Variants in ACOT12 observed in about 807,000 individuals in gnomAD.
ACOT12 encodes the protein acetyl-coenzyme A thioesterase.
In ACOT12, 51 loss-of-function variants were observed where a neutral mutation model predicts 67.7. The ratio of observed to expected loss-of-function variants is 0.75; its 90% confidence interval spans 0.60 to 0.95. ACOT12 has a LOEUF of 0.95. Among genes scored for constraint, ACOT12 ranks in the 40% least tolerant of loss-of-function variants. The pLI, the probability that ACOT12 is intolerant of heterozygous loss-of-function variation, is 0.00. For synonymous variants in ACOT12, 251 were observed against 244.6 expected, an observed-to-expected ratio of 1.03 and a Z score of -0.24; for missense variants, 734 against 708.1, an observed-to-expected ratio of 1.04 and a Z score of -0.41.
intron 4 of ACOT12, among the ~76,000 whole-genome samples, chr5:81,361,349 T>G (rs1461078016): frequency 6.6e-6 from 1 of 151,738 alleles, no homozygotes; most frequent in African/African-American, 2.4e-5. Flanking sequence ...CAAACGTCAC[T>G]ATGCCTGGCT....
the ACOT12 span, among the ~76,000 whole-genome samples, chr5:81,319,767 A>G: frequency 3.3e-5 from 5 of 151,548 alleles, no homozygotes; most frequent in Admixed American, 3.3e-4. Context: ...CATCCTTCCT[A>G]TCCCCCAATG....
intron 6 of ACOT12, among the ~76,000 whole-genome samples, chr5:81,346,656 T>G (rs976180329): frequency 6.6e-6 from 1 of 152,216 alleles, no homozygotes; most frequent in South Asian, 2.1e-4. Context: ...AGCGAACAGA[T>G]GCTGCCATAA....
chr5:81,333,778 G>A (rs1023911004), intron 12 of ACOT12, among the ~76,000 whole-genome samples: 5 of 152,144 alleles, frequency 3.3e-5, no homozygotes, highest in African/African-American at 1.2e-4. Flanking sequence ...ACAGGAGGTG[G>A]GCAGGGAAAT....
At chr5:81,379,184 C>T (rs556365738) in intron 2 of ACOT12, among the ~76,000 whole-genome samples, 7 of 152,176 alleles carry the variant, frequency 4.6e-5, no homozygotes, top group African/African-American at 1.7e-4. Context: ...TTTGCAGGGA[C>T]ATTGATGAAG....
chr5:81,349,557 C>T (rs967726306), intron 5 of ACOT12, among the ~76,000 whole-genome samples: 2 of 152,154 alleles, frequency 1.3e-5, no homozygotes, highest in African/African-American at 4.8e-5. Flanking sequence ...TCATTACTTC[C>T]TCAGTGGAGC....
At chr5:81,317,657 G>A in the ACOT12 span, among the ~76,000 whole-genome samples, 2 of 152,160 alleles carry the variant, frequency 1.3e-5, no homozygotes, top group African/African-American at 4.8e-5. Context: ...ATAGAGTGAA[G>A]GGGGAGGTGC....
At chr5:81,344,773 G>A in intron 8 of ACOT12, 118 bp downstream of exon 8, 1 of 1,298,748 alleles carries the variant, frequency 7.7e-7, no homozygotes, top group Non-Finnish European at 1.1e-6. Context: ...TTGTGATGCT[G>A]AAAAGAGGGA....
Position 81,345,897 on chromosome 5 carries a change from G to A in ACOT12, c.761C>T (p.Thr254Ile). 2 of 1,613,868 alleles carry A rather than the reference G, an allele frequency of 1.2e-6. No individual in the cohort carries two copies. Among genetic ancestry groups the A allele is most frequent in the Non-Finnish European group, 1.7e-6 (2 of 1,179,828 alleles). ...RLVFTAIVNNTFQTCVEVGVR... is the reference protein window; with the variant it reads ...RLVFTAIVNNIFQTCVEVGVR... ...GGGCTCACTTTACCAGGTCTGAAAT[G>A]TATTGTTGACAATGGCAGTGAAGAC... Residue 254 changes from threonine to isoleucine, a missense_variant, in exon 7 of 15, where the codon ACA (threonine) becomes ATA (isoleucine). Physicochemically the swap from Thr to Ile is moderately conservative, Grantham distance 89 (BLOSUM62 -1). Coordinates refer to ENST00000307624, the MANE Select transcript of ACOT12 (RefSeq NM_130767.3).
the ACOT12 span, among the ~76,000 whole-genome samples, chr5:81,315,753 C>CAGAAAGGAGT: frequency 6.6e-6 from 1 of 152,110 alleles, no homozygotes; most frequent in Non-Finnish European, 1.5e-5. Context: ...ATGTGAGGGA[C>CAGAAAGGAGT]AGAAAGGAGT....
intron 1 of ACOT12, among the ~76,000 whole-genome samples, chr5:81,386,995 A>ATTTTT (rs869281800): frequency 8.6e-5 from 7 of 81,330 alleles, no homozygotes; most frequent in Non-Finnish European, 8.0e-5. Context: ...GATGAGTTCC[A>ATTTTT]TTTTTTTTTT....
At chr5:81,382,117 A>C (rs535206991) in intron 2 of ACOT12, among the ~76,000 whole-genome samples, 6 of 152,360 alleles carry the variant, frequency 3.9e-5, no homozygotes, top group Non-Finnish European at 7.3e-5. Context: ...AGAGATATAG[A>C]CATAAAATCA....
At chr5:81,316,929 G>T in the ACOT12 span, among the ~76,000 whole-genome samples, 1 of 152,048 alleles carries the variant, frequency 6.6e-6, no homozygotes, top group African/African-American at 2.4e-5. Flanking sequence ...GAATTGAAAC[G>T]GCTTTATTTA....
At position 81,344,170 on chromosome 5, in the gene ACOT12, G is replaced by A. The variant is rs113234186; in HGVS notation, c.970C>T (p.Arg324Cys). 9.3e-6 allele frequency: 15 copies of A among 1,613,704 alleles called. No homozygotes were observed. Among genetic ancestry groups the A allele is most frequent in the Admixed American group, 6.7e-5 (4 of 59,978 alleles). Residue 324 changes from arginine to cysteine, a missense_variant, in exon 9 of 15, where the codon CGC becomes TGC. Transcript: ENST00000307624. ...CCTTATGTTCCTTACCTGCCTAGGC[G>A]AATTCGCTTGCGTGCAATAGCTCCC... is the stretch of plus-strand genomic sequence containing the variant. ...YRGAIARKRIRLGRKYVISHK... is the reference protein window; with the variant it reads ...YRGAIARKRICLGRKYVISHK...
intron 3 of ACOT12, among the ~76,000 whole-genome samples, chr5:81,367,597 T>C (rs996649446): frequency 1.3e-5 from 2 of 151,828 alleles, no homozygotes; most frequent in African/African-American, 4.8e-5. Context: ...ACAGTGGAGA[T>C]AAAATGGATT....
At chr5:81,373,708 C>A (rs1372544959) in intron 2 of ACOT12, among the ~76,000 whole-genome samples, 1 of 152,146 alleles carries the variant, frequency 6.6e-6, no homozygotes, top group Admixed American at 6.5e-5. Flanking sequence ...ATTGCTGAGG[C>A]TTGAGTAGGC....
chr5:81,341,698 T>C (rs1759196950), intron 11 of ACOT12, among the ~76,000 whole-genome samples: 1 of 152,162 alleles, frequency 6.6e-6, no homozygotes, highest in Non-Finnish European at 1.5e-5. Context: ...AGTCTAGTTA[T>C]TGTGGGCATG....
intron 2 of ACOT12, among the ~76,000 whole-genome samples, chr5:81,381,025 A>T (rs551053883): frequency 6.6e-6 from 1 of 152,224 alleles, no homozygotes; most frequent in African/African-American, 2.4e-5. Context: ...ATCCAAACAT[A>T]GCTAAATGTA....
At chr5:81,327,804 C>A (rs377285900), downstream of ACOT12, among the ~76,000 whole-genome samples, 16 of 152,100 alleles carry the variant, frequency 1.1e-4, no homozygotes, top group East Asian at 2.1e-3. Context: ...CCCTTACCAT[C>A]AAAAAAACAG....
chr5:81,339,241 C>T (rs540045901), intron 11 of ACOT12, among the ~76,000 whole-genome samples: 6 of 152,166 alleles, frequency 3.9e-5, no homozygotes, highest in Non-Finnish European at 7.4e-5. Context: ...CTGGAGATGA[C>T]CACGGGGGCC....
Sources: gnomAD v4.1 joint callset for allele counts (sites outside exome capture counted in the v4.1 genomes callset) on GRCh38, gnomAD v4.1.1 for gene constraint, MANE v1.5 for transcripts, NCBI Gene and HGNC (gene_info 2026-07-23, HGNC 2026-07-21) for gene names.